Variants in GBX1 observed in about 807,000 individuals in gnomAD.
GBX1 encodes the protein homeobox protein GBX-1.
Under a neutral mutation model 22.9 loss-of-function variants are expected in GBX1, and 9 were observed. The observed-to-expected ratio is 0.39, with a 90% CI of 0.24 to 0.69. The LOEUF (loss-of-function observed/expected upper bound fraction) is 0.69, where lower values mean the gene tolerates loss of function less well. Ranked by LOEUF, GBX1 falls within the 30% of genes least tolerant of loss-of-function variation. The pLI, the probability that GBX1 is intolerant of heterozygous loss-of-function variation, is 0.43. For synonymous variants in GBX1, 203 were observed against 227.3 expected (o/e 0.89, Z 0.96); for missense variants, 494 against 509.2 (o/e 0.97, Z 0.29).
At chr7:151,166,598 A>G (rs1161799024) in intron 1 of GBX1, among the ~76,000 whole-genome samples, 4 of 149,022 alleles carry the variant, frequency 2.7e-5, no homozygotes, top group Admixed American at 1.3e-4. Context: ...CGTGCCCTCC[A>G]TTGCTGAATT....
rs1204049459 is a variant in GBX1 at position 151,149,075 on chromosome 7, G to T, written c.606C>A (p.Ser202Arg). The T allele has an allele frequency of 6.2e-7, 1 of 1,613,154 alleles. No individual in the cohort carries two copies. The highest frequency in any genetic ancestry group is 1.1e-5 in the South Asian group (1 of 91,068). The change falls in exon 2 of 2, where the codon AGC becomes AGA. Residue 202 changes from serine (S) to arginine (R), a missense_variant. Ser to Arg is a moderately radical substitution (Grantham distance 110). Transcript: ENST00000297537. ...CGCCTGAGCCCTCTTCCTCCTGTTC[G>T]CTGCCTGCTGGGTCTCCTGCTGATG... is the stretch of plus-strand genomic sequence containing the variant. ...LEASAGDPAG[S>R]EQEEEGSGGD...
chr7:151,165,011 ACACT>A (rs763402891), intron 1 of GBX1, among the ~76,000 whole-genome samples: 63 of 151,868 alleles, frequency 4.1e-4, no homozygotes, highest in Non-Finnish European at 6.3e-4. Flanking sequence ...ATACACACAC[ACACT>A]CACTCACACT....
At chr7:151,157,696 G>T (rs1801151526) in intron 1 of GBX1, among the ~76,000 whole-genome samples, 1 of 152,086 alleles carries the variant, frequency 6.6e-6, no homozygotes, top group Non-Finnish European at 1.5e-5. Context: ...GCTTCCTTTA[G>T]GTACTGCTTC....
At chr7:151,149,455 A>G (rs1189188840) in intron 1 of GBX1, among the ~76,000 whole-genome samples, 3 of 137,076 alleles carry the variant, frequency 2.2e-5, no homozygotes, top group Non-Finnish European at 4.7e-5. Context: ...CACCACCCCC[A>G]TCTCATTCGC....
chr7:151,157,103 C>G (rs528323799), intron 1 of GBX1, among the ~76,000 whole-genome samples: 14 of 152,060 alleles, frequency 9.2e-5, no homozygotes, highest in African/African-American at 3.4e-4. Flanking sequence ...TAAGACCAGC[C>G]TGGCCAACAT....
Position 151,157,188 on chromosome 7 carries a change from C to A in GBX1, c.539-8046G>T, listed in dbSNP as rs571486779. Among the ~76,000 whole-genome samples the A allele has an allele frequency of 3.3e-5, 5 of 151,810 alleles. No homozygotes were observed. In the South Asian group the frequency reaches 1.0e-3, roughly 32 times the overall value. ...GCACATGCCTGTAGTCCCAGCTACTCGGGAGGCTGAGGCAAGAGAATTGCT... is the reference window on the plus strand; with the variant it reads ...GCACATGCCTGTAGTCCCAGCTACTAGGGAGGCTGAGGCAAGAGAATTGCT... On this transcript the variant is annotated intron_variant, in intron 1 of 1. Transcript: ENST00000297537.
intron 1 of GBX1, among the ~76,000 whole-genome samples, chr7:151,156,914 G>A (rs555961416): frequency 6.9e-6 from 1 of 145,578 alleles, no homozygotes; most frequent in African/African-American, 2.6e-5. Flanking sequence ...GAACCCAGGA[G>A]TCAGAGGTTG....
chr7:151,164,972 TACACACAC>T (rs530467945), intron 1 of GBX1, among the ~76,000 whole-genome samples: 1 of 150,542 alleles, frequency 6.6e-6, no homozygotes, highest in African/African-American at 2.4e-5. Context: ...ACAGAACTCT[TACACACAC>T]ACACACAAAC....
intron 1 of GBX1, among the ~76,000 whole-genome samples, chr7:151,151,990 GATTT>G (rs987019664): frequency 4.6e-5 from 7 of 152,098 alleles, no homozygotes; most frequent in African/African-American, 1.2e-4. Flanking sequence ...TCCTTTCTCC[GATTT>G]ATTTGTTACT....
intron 1 of GBX1, among the ~76,000 whole-genome samples, chr7:151,166,181 C>T (rs1025080476): frequency 2.6e-5 from 4 of 152,142 alleles, no homozygotes; most frequent in Admixed American, 2.6e-4. Flanking sequence ...ATTGAATGGA[C>T]TCTAAACAAG....
chr7:151,149,585 A>G (rs1004316107), intron 1 of GBX1, among the ~76,000 whole-genome samples: 3 of 152,104 alleles, frequency 2.0e-5, no homozygotes, highest in African/African-American at 7.2e-5. Flanking sequence ...GCAGTATGGG[A>G]CCCGGCTTGG....
intron 1 of GBX1, among the ~76,000 whole-genome samples, chr7:151,152,231 T>C (rs1801088336): frequency 6.6e-6 from 1 of 152,162 alleles, no homozygotes; most frequent in African/African-American, 2.4e-5. Flanking sequence ...CCGTCTTTCT[T>C]TCCCTCCCTG....
At position 151,148,939 on chromosome 7, in the gene GBX1, C is replaced by A. The variant is rs1169579321; in HGVS notation, c.742G>T (p.Ala248Ser). ...GCTGTGACCCCTGCTGTCACCGGTGCCCCCTCCTCAGCTCCAGTCCCCAGG... is the reference window on the plus strand; with the variant it reads ...GCTGTGACCCCTGCTGTCACCGGTGACCCCTCCTCAGCTCCAGTCCCCAGG... ...GSLGTGAEEG[A>S]PVTAGVTAPG... Residue 248 changes from alanine to serine, a missense_variant, in exon 2 of 2, where the codon GCA (alanine) becomes TCA (serine). By Grantham distance (99) the Ala-to-Ser change is moderately conservative. Transcript: ENST00000297537. This position sits in a 1 kb window ranked among gnomAD's most constrained non-coding sequence, Gnocchi z 5.1. 1.2e-6 allele frequency: 2 copies of A among 1,614,094 alleles called. No homozygotes were observed. The highest frequency in any genetic ancestry group is 1.7e-5 in the Admixed American group (1 of 60,028).
At chr7:151,149,227 A>C in intron 1 of GBX1, 85 bp from the exon 2 acceptor site, 1 of 1,319,784 alleles carries the variant, frequency 7.6e-7, no homozygotes, top group Non-Finnish European at 1.0e-6. Context: ...CATGGCCAGA[A>C]ATGGGGGGTT....
At chr7:151,162,366 T>C (rs1801195677) in intron 1 of GBX1, among the ~76,000 whole-genome samples, 1 of 152,208 alleles carries the variant, frequency 6.6e-6, no homozygotes, top group South Asian at 2.1e-4. Context: ...TTAATGGTCA[T>C]CCAAATGTTC....
At chr7:151,158,254 T>C (rs2150549485) in intron 1 of GBX1, among the ~76,000 whole-genome samples, 1 of 152,256 alleles carries the variant, frequency 6.6e-6, no homozygotes, top group Non-Finnish European at 1.5e-5. Context: ...ACGCTAATGT[T>C]TCCATATTAC....
intron 1 of GBX1, among the ~76,000 whole-genome samples, chr7:151,162,300 C>T (rs1801194986): frequency 6.6e-6 from 1 of 152,170 alleles, no homozygotes; most frequent in Non-Finnish European, 1.5e-5. Flanking sequence ...CTGTTTTCCT[C>T]TCATAAGTAA....
At chr7:151,161,556 A>G (rs1414084340) in intron 1 of GBX1, among the ~76,000 whole-genome samples, 4 of 152,214 alleles carry the variant, frequency 2.6e-5, no homozygotes, top group Non-Finnish European at 4.4e-5. Flanking sequence ...CATAAAATAC[A>G]TAGTATTACA....
At chr7:151,165,559 G>C (rs965582147) in intron 1 of GBX1, among the ~76,000 whole-genome samples, 1 of 152,080 alleles carries the variant, frequency 6.6e-6, no homozygotes, top group African/African-American at 2.4e-5. Context: ...TGGCTTCCAG[G>C]CTCCCGCCCT....
Sources: gnomAD v4.1 joint callset for allele counts (sites outside exome capture counted in the v4.1 genomes callset) on GRCh38, gnomAD v4.1.1 for gene constraint, Gnocchi (gnomAD v3.1) non-coding constraint, MANE v1.5 for transcripts, NCBI Gene and HGNC (gene_info 2026-07-23, HGNC 2026-07-21) for gene names.